Variants in KCND2 observed in about 807,000 individuals in gnomAD.
The protein encoded by KCND2 is A-type voltage-gated potassium channel KCND2.
KCND2 carries 16 observed loss-of-function variants against 54.4 expected under a neutral mutation model. The ratio of observed to expected loss-of-function variants is 0.29; its 90% CI spans 0.20 to 0.45. The LOEUF is 0.45. KCND2 is among the 20% of genes least tolerant of loss of function. The pLI is 1.00. For synonymous variants in KCND2, 317 were observed against 310.7 expected (o/e 1.02, Z -0.21); for missense variants, 486 against 824.2 (o/e 0.59, Z 5.02).
At chr7:120,288,735 G>T (rs907132199) in intron 1 of KCND2, among the ~76,000 whole-genome samples, 1 of 152,030 alleles carries the variant, frequency 6.6e-6, no homozygotes, top group African/African-American at 2.4e-5. Flanking sequence ...ATTAGTTGTG[G>T]TTACAGGATT....
chr7:120,446,003 A>G (rs1802013138), intron 1 of KCND2, among the ~76,000 whole-genome samples: 1 of 152,150 alleles, frequency 6.6e-6, no homozygotes, highest in African/African-American at 2.4e-5. Flanking sequence ...TGGCACTAGT[A>G]GGCACTCAAT....
chr7:120,365,219 G>C (rs1584748551), intron 1 of KCND2, among the ~76,000 whole-genome samples: 1 of 144,072 alleles, frequency 6.9e-6, no homozygotes, highest in Non-Finnish European at 1.5e-5. Flanking sequence ...GGAAGGGAGG[G>C]AGGGAGGGAG....
At chr7:120,429,434 C>T (rs1186554229) in intron 1 of KCND2, among the ~76,000 whole-genome samples, 1 of 150,256 alleles carries the variant, frequency 6.7e-6, no homozygotes, top group Non-Finnish European at 1.5e-5. Flanking sequence ...TATGACCAAA[C>T]GGAAGTTACA....
At chr7:120,728,254 T>A (rs192763202) in intron 1 of KCND2, among the ~76,000 whole-genome samples, 34 of 151,634 alleles carry the variant, frequency 2.2e-4, no homozygotes, top group Non-Finnish European at 4.9e-4. Context: ...TATTCTCTCA[T>A]GATATATTCT....
At chr7:120,515,355 G>A (rs988625573) in intron 1 of KCND2, among the ~76,000 whole-genome samples, 4 of 151,906 alleles carry the variant, frequency 2.6e-5, no homozygotes, top group Non-Finnish European at 4.4e-5. Flanking sequence ...TTGCTGTATC[G>A]GGCAGAAAAA....
chr7:120,742,309 A>G lies in KCND2; in HGVS notation c.1375-201A>G, dbSNP rs114785152. 312 of 567,562 alleles carry G rather than the reference A, an allele frequency of 5.5e-4. 1 individual carries two copies. The highest frequency in any genetic ancestry group is 4.5e-3 in the African/African-American group (240 of 53,108). The allele number at this position is 567,562 out of a possible 1,614,324, so 35.2% of individuals were successfully genotyped here. On this transcript the variant is annotated intron_variant, in intron 3 of 5. Coordinates refer to ENST00000331113, the MANE Select transcript of KCND2 (RefSeq NM_012281.3). ...ATTTCAATTCAAGGAGGCATGTCTAAAAGACCAGACCATTCATTTGATGAA... is the reference window on the plus strand; with the variant it reads ...ATTTCAATTCAAGGAGGCATGTCTAGAAGACCAGACCATTCATTTGATGAA...
At chr7:120,552,037 A>G (rs1035274161) in intron 1 of KCND2, among the ~76,000 whole-genome samples, 2 of 152,198 alleles carry the variant, frequency 1.3e-5, no homozygotes, top group African/African-American at 2.4e-5. Context: ...TGGGAAATCA[A>G]ATGAATATAT....
intron 1 of KCND2, among the ~76,000 whole-genome samples, chr7:120,510,783 A>C (rs532932849): frequency 7.2e-5 from 11 of 152,030 alleles, no homozygotes; most frequent in Admixed American, 1.3e-4. Flanking sequence ...CTTCCTAATC[A>C]GTTTTTTCTA....
chr7:120,735,161 T>C (rs916095376), intron 2 of KCND2, among the ~76,000 whole-genome samples: 3 of 152,020 alleles, frequency 2.0e-5, no homozygotes, highest in African/African-American at 7.2e-5. Context: ...AACATGGATA[T>C]AGAGAACTGA....
At chr7:120,688,189 T>G (rs993378625) in intron 1 of KCND2, among the ~76,000 whole-genome samples, 1 of 152,126 alleles carries the variant, frequency 6.6e-6, no homozygotes, top group Non-Finnish European at 1.5e-5. Context: ...TAGCAAAGGG[T>G]TATGTAAATT....
intron 1 of KCND2, among the ~76,000 whole-genome samples, chr7:120,468,070 C>T (rs545426972): frequency 6.6e-6 from 1 of 152,060 alleles, no homozygotes; most frequent in African/African-American, 2.4e-5. Context: ...AAGCTTTAGG[C>T]CTCTGTTAAA....
intron 1 of KCND2, among the ~76,000 whole-genome samples, chr7:120,628,938 G>T (rs917281790): frequency 1.2e-4 from 18 of 152,334 alleles, no homozygotes; most frequent in African/African-American, 3.8e-4. Flanking sequence ...CAAGGTTAGA[G>T]AACTCGGACT....
intron 1 of KCND2, among the ~76,000 whole-genome samples, chr7:120,359,322 G>T (rs903367341): frequency 5.9e-5 from 9 of 151,986 alleles, no homozygotes; most frequent in Non-Finnish European, 1.2e-4. Flanking sequence ...TACATGTGAG[G>T]AAGGAAATTG....
At chr7:120,579,845 T>C (rs182963803) in intron 1 of KCND2, among the ~76,000 whole-genome samples, 40 of 152,248 alleles carry the variant, frequency 2.6e-4, no homozygotes, top group African/African-American at 8.9e-4. Context: ...AATTTTTCTC[T>C]GTTAAGTATG....
At chr7:120,386,549 T>C (rs915449638) in intron 1 of KCND2, among the ~76,000 whole-genome samples, 18 of 152,170 alleles carry the variant, frequency 1.2e-4, no homozygotes, top group African/African-American at 4.3e-4. Context: ...CAATTAGCAA[T>C]GCTTCTTAAA....
chr7:120,732,972 C>G lies in KCND2; in HGVS notation c.1185C>G (p.Val395=), dbSNP rs1792825831. The change falls in exon 2 of 6, where the codon GTC becomes GTG. Residue 395 remains valine (V), a synonymous_variant. Coordinates refer to ENST00000331113, the MANE Select transcript of KCND2 (RefSeq NM_012281.3). ...GTTCTATCTGTTCGCTGAGTGGGGTCTTGGTCATTGCTCTACCTGTTCCGG... is the reference window on the plus strand; with the variant it reads ...GTTCTATCTGTTCGCTGAGTGGGGTGTTGGTCATTGCTCTACCTGTTCCGG... ...IFGSICSLSG[V]LVIALPVPVI... The G allele has an allele frequency of 6.2e-7, 1 of 1,613,712 alleles. No individual in the cohort carries two copies. The highest frequency in any genetic ancestry group is 1.1e-5 in the South Asian group (1 of 91,074).
At chr7:120,622,176 C>T (rs945016781) in intron 1 of KCND2, among the ~76,000 whole-genome samples, 17 of 151,960 alleles carry the variant, frequency 1.1e-4, no homozygotes, top group Non-Finnish European at 1.8e-4. Flanking sequence ...TGGTTTATTA[C>T]GATGTTATGC....
intron 1 of KCND2, among the ~76,000 whole-genome samples, chr7:120,413,781 A>C (rs1471032839): frequency 2.6e-5 from 4 of 151,986 alleles, no homozygotes; most frequent in South Asian, 2.1e-4. Flanking sequence ...ATTTTAAATA[A>C]ATATTTCTTG....
chr7:120,487,231 A>AT (rs879332062), intron 1 of KCND2, among the ~76,000 whole-genome samples: 13 of 151,832 alleles, frequency 8.6e-5, no homozygotes, highest in African/African-American at 2.2e-4. Context: ...TTAAGTAAAG[A>AT]TTTTTTTTTA....
Sources: allele counts gnomAD v4.1 joint callset (sites outside exome capture counted in the v4.1 genomes callset), GRCh38; gene constraint gnomAD v4.1.1; transcripts MANE v1.5; gene names NCBI Gene and HGNC (gene_info 2026-07-23, HGNC 2026-07-21).